Variants in COL23A1 observed in about 807,000 individuals in gnomAD.
The protein encoded by COL23A1 is collagen type XXIII alpha 1 chain.
COL23A1 carries 97 observed loss-of-function variants against 99.3 expected under a neutral mutation model. That is an observed-to-expected ratio of 0.98 (90% CI 0.83 to 1.16). The LOEUF (loss-of-function observed/expected upper bound fraction) is 1.16. Ranked by LOEUF, COL23A1 falls within the 50% of genes most tolerant of loss-of-function variation. COL23A1 has a pLI of 0.00. For synonymous variants in COL23A1, 320 were observed against 308.2 expected (o/e 1.04, Z -0.40); for missense variants, 762 against 757.4 (o/e 1.01, Z -0.07).
chr5:178,540,633 G>C (rs1380062686), intron 2 of COL23A1, among the ~76,000 whole-genome samples: 2 of 152,198 alleles, frequency 1.3e-5, no homozygotes, highest in East Asian at 3.8e-4. Flanking sequence ...CAAAATCTCA[G>C]CAGGGTGGCT....
At chr5:178,404,846 A>T (rs1175651804) in intron 2 of COL23A1, among the ~76,000 whole-genome samples, 2 of 151,800 alleles carry the variant, frequency 1.3e-5, no homozygotes, top group Non-Finnish European at 2.9e-5. Flanking sequence ...TCCCTGTCTC[A>T]CTCCCTCTCC....
chr5:178,436,425 C>T (rs1167575182), intron 2 of COL23A1, among the ~76,000 whole-genome samples: 2 of 75,114 alleles, frequency 2.7e-5, no homozygotes, highest in Admixed American at 2.9e-4. Context: ...GGGGTGGGGT[C>T]GGGGTGGCTG....
chr5:178,275,118 AG>A (rs1478852199), intron 5 of COL23A1, among the ~76,000 whole-genome samples: 2 of 152,208 alleles, frequency 1.3e-5, no homozygotes, highest in African/African-American at 4.8e-5. Context: ...TGCTTTGCTC[AG>A]GGACTGGGGT....
intron 2 of COL23A1, among the ~76,000 whole-genome samples, chr5:178,332,470 C>T (rs56411453): frequency 0.02 from 3,087 of 152,264 alleles, 39 homozygotes; most frequent in South Asian, 0.051. Context: ...CTCTGGACCC[C>T]TGAATAACCT....
At chr5:178,249,903 C>T (rs1416135706) in intron 18 of COL23A1, among the ~76,000 whole-genome samples, 158 bp downstream of exon 18, 1 of 151,924 alleles carries the variant, frequency 6.6e-6, no homozygotes, top group African/African-American at 2.4e-5. Context: ...AGGGTTTGCA[C>T]ACAGGCAGCC....
At chr5:178,549,303 T>C (rs1306729765) in intron 2 of COL23A1, among the ~76,000 whole-genome samples, 1 of 150,072 alleles carries the variant, frequency 6.7e-6, no homozygotes, top group South Asian at 2.1e-4. Flanking sequence ...CCCATACAAA[T>C]ACTTCTTGAA....
rs374284253 is a variant in COL23A1 at position 178,247,697 on chromosome 5, T to C, written c.1269+78A>G. On this transcript the variant is annotated intron_variant, in intron 21 of 28. Transcript: ENST00000390654. ...AAGAAGCCCGCTCTCTCCTGGGTCA[T>C]GGCTCTGGGACCTAGCCCCCACCCC... 4.6e-5 allele frequency: 72 copies of C among 1,552,086 alleles called. No homozygotes were observed. In the African/African-American group the frequency reaches 4.9e-4, roughly 11 times the overall value.
chr5:178,421,744 C>G (rs1318024959), intron 2 of COL23A1, among the ~76,000 whole-genome samples: 1 of 152,200 alleles, frequency 6.6e-6, no homozygotes, highest in Non-Finnish European at 1.5e-5. Flanking sequence ...TGGCAGGCCC[C>G]TGTAATCCCA....
At chr5:178,524,513 G>A (rs1760199591) in intron 2 of COL23A1, among the ~76,000 whole-genome samples, 1 of 152,190 alleles carries the variant, frequency 6.6e-6, no homozygotes, top group Non-Finnish European at 1.5e-5. Context: ...AAGGATGGGG[G>A]ATGGATGTAT....
Position 178,307,195 on chromosome 5 carries a change from A to G in COL23A1, c.362-276T>C, listed in dbSNP as rs963287144. 5.3e-5 allele frequency among the ~76,000 whole-genome samples: 8 copies of G among 152,164 alleles called. No homozygotes were observed. Among genetic ancestry groups the G allele is most frequent in the African/African-American group, 1.9e-4 (8 of 41,436 alleles). On this transcript the variant is annotated intron_variant, in intron 2 of 28. Coordinates refer to ENST00000390654, the MANE Select transcript of COL23A1 (RefSeq NM_173465.4). The surrounding 1 kb of genome is among the most constrained non-coding windows in gnomAD (Gnocchi z 4.2). The stretch of plus-strand genomic sequence containing the variant: ...CATTCAATCATCGGCTCACTCAGTC[A>G]TTCCTAAGCCCTCCCCTAATCACAA...
intron 5 of COL23A1, 40 bp from the exon 6 acceptor site, chr5:178,270,403 G>A: frequency 1.2e-6 from 2 of 1,611,580 alleles, no homozygotes; most frequent in Non-Finnish European, 1.7e-6. Flanking sequence ...TACACACGGG[G>A]ATGACACTTC....
At chr5:178,587,966 C>G (rs1014417349) in intron 1 of COL23A1, among the ~76,000 whole-genome samples, 1 of 152,254 alleles carries the variant, frequency 6.6e-6, no homozygotes. Flanking sequence ...TGACTCTCCA[C>G]TGGCGGGAAA....
At chr5:178,291,702 G>A (rs1274380140) in intron 3 of COL23A1, among the ~76,000 whole-genome samples, 1 of 152,078 alleles carries the variant, frequency 6.6e-6, no homozygotes, top group Non-Finnish European at 1.5e-5. Flanking sequence ...GAGTGCACCT[G>A]GAGATGCGCT....
intron 2 of COL23A1, among the ~76,000 whole-genome samples, chr5:178,311,556 GT>G (rs751993168): frequency 2.0e-5 from 3 of 151,696 alleles, no homozygotes; most frequent in Non-Finnish European, 2.9e-5. Context: ...ATGTAAGTGG[GT>G]TCTTTCGTGT....
At chr5:178,508,751 T>C (rs956401611) in intron 2 of COL23A1, among the ~76,000 whole-genome samples, 1 of 152,146 alleles carries the variant, frequency 6.6e-6, no homozygotes. Context: ...CCTAAACAAG[T>C]GCATCTGGCG....
At chr5:178,253,138 T>A (rs186459392) in intron 16 of COL23A1, among the ~76,000 whole-genome samples, 27 of 152,146 alleles carry the variant, frequency 1.8e-4, no homozygotes, top group African/African-American at 6.3e-4. Context: ...CAAGCTCCTG[T>A]CCTGATCCAG....
intron 12 of COL23A1, among the ~76,000 whole-genome samples, chr5:178,258,262 T>TATATATATACATACAC: frequency 9.6e-6 from 1 of 104,066 alleles, no homozygotes; most frequent in Non-Finnish European, 2.2e-5. Flanking sequence ...TATATATATA[T>TATATATATACATACAC]ACACATGCAA....
At chr5:178,323,725 G>A (rs1344664334) in intron 2 of COL23A1, among the ~76,000 whole-genome samples, 3 of 152,144 alleles carry the variant, frequency 2.0e-5, no homozygotes, top group East Asian at 1.9e-4. Flanking sequence ...GGAGCAGGGC[G>A]CTGGAACGCT....
chr5:178,528,853 C>T (rs766049448), intron 2 of COL23A1, among the ~76,000 whole-genome samples: 9 of 152,156 alleles, frequency 5.9e-5, no homozygotes, highest in Non-Finnish European at 1.0e-4. Flanking sequence ...GCACTTCTCC[C>T]GAAATGAAGG....
Sources: gnomAD v4.1 joint callset for allele counts (sites outside exome capture counted in the v4.1 genomes callset) on GRCh38, gnomAD v4.1.1 for gene constraint, Gnocchi (gnomAD v3.1) non-coding constraint, MANE v1.5 for transcripts, NCBI Gene and HGNC (gene_info 2026-07-23, HGNC 2026-07-21) for gene names.